The following GRIK2 variants were observed in gnomAD, a reference collection of about 807,000 sequenced individuals.
The protein encoded by GRIK2 is glutamate receptor ionotropic, kainate 2.
GRIK2 carries 32 observed loss-of-function variants against 100.3 expected under a neutral mutation model. The observed-to-expected ratio is 0.32, with a 90% CI of 0.24 to 0.43. The LOEUF (loss-of-function observed/expected upper bound fraction) is 0.43. Among genes scored for constraint, GRIK2 ranks in the 20% least tolerant of loss-of-function variants. GRIK2 has a pLI of 1.00. For missense variants in GRIK2, 843 were observed against 1,114.9 expected (o/e 0.76, Z 3.47); for synonymous variants, 417 against 389.4 (o/e 1.07, Z -0.83).
chr6:101,790,192 C>G (rs1438487399), intron 7 of GRIK2, among the ~76,000 whole-genome samples: 1 of 151,932 alleles, frequency 6.6e-6, no homozygotes, highest in Non-Finnish European at 1.5e-5. Flanking sequence ...ATTGAATACC[C>G]TTTATTTCCT....
intron 2 of GRIK2, among the ~76,000 whole-genome samples, chr6:101,587,138 A>G (rs1342960802): frequency 6.6e-6 from 1 of 152,058 alleles, no homozygotes; most frequent in Non-Finnish European, 1.5e-5. Context: ...AATGAATATG[A>G]AAGAAAAAAT....
intron 2 of GRIK2, among the ~76,000 whole-genome samples, chr6:101,575,403 CTAA>C (rs1215701335): frequency 1.3e-5 from 2 of 151,930 alleles, no homozygotes; most frequent in East Asian, 3.9e-4. Context: ...TAAATAAAAT[CTAA>C]TAAGTATATG....
At chr6:101,887,520 T>A (rs973854678) in intron 11 of GRIK2, among the ~76,000 whole-genome samples, 2 of 152,132 alleles carry the variant, frequency 1.3e-5, no homozygotes, top group African/African-American at 4.8e-5. Context: ...AAGTCTATAT[T>A]TCTTAAAATA....
intron 12 of GRIK2, among the ~76,000 whole-genome samples, chr6:101,918,022 CA>C (rs1789232883): frequency 6.6e-6 from 1 of 151,446 alleles, no homozygotes; most frequent in Admixed American, 6.6e-5. Flanking sequence ...TTCCCTATTC[CA>C]ATCCATTTAC....
chr6:102,061,369 T>C (rs548263718), intron 16 of GRIK2, among the ~76,000 whole-genome samples: 11 of 150,722 alleles, frequency 7.3e-5, no homozygotes, highest in Non-Finnish European at 1.5e-4. Flanking sequence ...GGATAATAAG[T>C]ATCTCAAGGG....
intron 2 of GRIK2, among the ~76,000 whole-genome samples, chr6:101,533,336 C>G (rs760843069): frequency 6.6e-6 from 1 of 151,428 alleles, no homozygotes; most frequent in African/African-American, 2.4e-5. Context: ...AGGGGTAATA[C>G]AAGTGTACAA....
At chr6:101,495,377 G>A (rs1317400853) in intron 2 of GRIK2, among the ~76,000 whole-genome samples, 2 of 151,960 alleles carry the variant, frequency 1.3e-5, no homozygotes, top group East Asian at 1.9e-4. Context: ...GTGGTGGCGG[G>A]CACCTGTAGT....
At chr6:101,822,924 G>C (rs182383691) in intron 10 of GRIK2, among the ~76,000 whole-genome samples, 3 of 152,086 alleles carry the variant, frequency 2.0e-5, no homozygotes, top group Admixed American at 1.3e-4. Context: ...AACACTTATA[G>C]TTTATGATCA....
intron 7 of GRIK2, among the ~76,000 whole-genome samples, chr6:101,795,960 A>G (rs760160805): frequency 1.3e-5 from 2 of 152,196 alleles, no homozygotes; most frequent in Non-Finnish European, 2.9e-5. Flanking sequence ...GTGCATTTTC[A>G]TTATGTATTT....
At chr6:101,885,847 C>T (rs1183072468) in intron 11 of GRIK2, among the ~76,000 whole-genome samples, 1 of 151,978 alleles carries the variant, frequency 6.6e-6, no homozygotes, top group Non-Finnish European at 1.5e-5. Context: ...ACACATTTTC[C>T]CCTATTATTA....
At chr6:101,401,923 A>G (rs1582366360) in intron 2 of GRIK2, among the ~76,000 whole-genome samples, 1 of 150,642 alleles carries the variant, frequency 6.6e-6, no homozygotes, top group Admixed American at 6.6e-5. Flanking sequence ...TCCATCCCCC[A>G]CCCTTGGCGT....
chr6:101,676,673 C>A lies in GRIK2; in HGVS notation c.592C>A (p.Arg198=), dbSNP rs749995448. ...CAAAGCTCCATCAAGGTATAATCTTCGACTCAAAATTCGTCAGTTACCTGC... is the reference window on the plus strand; with the variant it reads ...CAAAGCTCCATCAAGGTATAATCTTAGACTCAAAATTCGTCAGTTACCTGC... ...LIKAPSRYNL[R]LKIRQLPADT... Residue 198 remains arginine, a synonymous_variant, in exon 5 of 17, where the codon CGA becomes AGA. Coordinates refer to ENST00000369134, the MANE Select transcript of GRIK2 (RefSeq NM_021956.5). 1.9e-6 allele frequency: 3 copies of A among 1,603,446 alleles called. No homozygotes were observed. The South Asian group carries it at 3.3e-5, about 18-fold the overall frequency.
intron 2 of GRIK2, among the ~76,000 whole-genome samples, chr6:101,413,643 AT>A (rs978958792): frequency 1.3e-5 from 2 of 152,084 alleles, no homozygotes; most frequent in African/African-American, 4.8e-5. Context: ...CAAGATGTAT[AT>A]GTTTCAGTTT....
intron 4 of GRIK2, among the ~76,000 whole-genome samples, chr6:101,653,789 T>A (rs543513154): frequency 3.3e-5 from 5 of 152,072 alleles, no homozygotes; most frequent in Middle Eastern, 3.4e-3. Context: ...CTGGCTAAAT[T>A]TTTGTAGTTT....
intron 15 of GRIK2, 97 bp from the exon 16 acceptor site, chr6:102,055,233 C>T (rs990168027): frequency 9.3e-6 from 8 of 855,758 alleles, no homozygotes; most frequent in African/African-American, 8.5e-5. Context: ...CACTTTGAAG[C>T]ATTTTGAAAA....
At chr6:101,595,615 C>T (rs1778880029) in intron 2 of GRIK2, among the ~76,000 whole-genome samples, 1 of 150,860 alleles carries the variant, frequency 6.6e-6, no homozygotes, top group South Asian at 2.1e-4. Flanking sequence ...TACAAACACA[C>T]ACATGTGTAT....
At chr6:101,925,213 A>C (rs1280017619) in intron 13 of GRIK2, among the ~76,000 whole-genome samples, 4 of 152,174 alleles carry the variant, frequency 2.6e-5, no homozygotes, top group African/African-American at 9.6e-5. Context: ...GAACTTTTTG[A>C]GTAAAATATT....
chr6:101,624,655 A>G (rs1780347031), intron 3 of GRIK2, among the ~76,000 whole-genome samples: 1 of 152,138 alleles, frequency 6.6e-6, no homozygotes, highest in Non-Finnish European at 1.5e-5. Flanking sequence ...CTCAGTAACA[A>G]TCCTTCTCTG....
chr6:101,636,437 C>T lies in GRIK2; in HGVS notation c.541+9800C>T, dbSNP rs191455991. Among the ~76,000 whole-genome samples, 192 of 152,062 alleles carry T rather than the reference C, an allele frequency of 1.3e-3. 1 individual carries two copies. Among genetic ancestry groups the T allele is most frequent in the Non-Finnish European group, 2.3e-3 (159 of 68,004 alleles). On this transcript the variant is annotated intron_variant, in intron 4 of 16. Coordinates refer to ENST00000369134, the MANE Select transcript of GRIK2 (RefSeq NM_021956.5). Reference sequence around the variant, plus strand: ...ATGGGTGCAGCAAACCACCATGGCACATGTATACCTACGTAACATACCTGC... The same window carrying T: ...ATGGGTGCAGCAAACCACCATGGCATATGTATACCTACGTAACATACCTGC...
Sources: allele counts gnomAD v4.1 joint callset (sites outside exome capture counted in the v4.1 genomes callset), GRCh38; gene constraint gnomAD v4.1.1; transcripts MANE v1.5; gene names NCBI Gene and HGNC (gene_info 2026-07-23, HGNC 2026-07-21).